Variants in CELF6 observed in about 807,000 individuals in gnomAD.
CELF6 encodes Bruno -like 6, RNA binding protein.
A neutral mutation model predicts 53.1 loss-of-function variants in CELF6; 32 were observed. The ratio of observed to expected loss-of-function variants is 0.60; its 90% CI spans 0.46 to 0.81. CELF6 has a LOEUF of 0.81. CELF6 is among the 30% of genes least tolerant of loss of function. The probability of loss-of-function intolerance (pLI) is 0.00; values close to 1 mark genes in which losing one functional copy is unlikely to be tolerated. For synonymous variants in CELF6, 291 were observed against 288.8 expected, an observed-to-expected ratio of 1.01 and a Z score of -0.08; for missense variants, 539 against 669.5, an observed-to-expected ratio of 0.81 and a Z score of 2.15.
chr15:72,306,273 G>A (rs2959930), intron 2 of CELF6: 758,651 of 984,634 alleles, frequency 0.77, 292,580 homozygotes, highest in Middle Eastern at 0.79. Context: ...TGCCAGGAGG[G>A]AAAAACAGCG....
chr15:72,314,230 A>G (rs1323908352), intron 2 of CELF6, among the ~76,000 whole-genome samples: 1 of 152,210 alleles, frequency 6.6e-6, no homozygotes, highest in Non-Finnish European at 1.5e-5. Context: ...GGTAGCTCCA[A>G]TTCAGAGAAG....
At chr15:72,298,063 A>T (rs1326519718) in intron 3 of CELF6, among the ~76,000 whole-genome samples, 1 of 152,224 alleles carries the variant, frequency 6.6e-6, no homozygotes, top group Non-Finnish European at 1.5e-5. Context: ...AACAGGTATG[A>T]CTGTCAACTG....
At position 72,319,562 on chromosome 15, in the gene CELF6, C is replaced by CCA; in HGVS notation, c.262+49_262+50dup. 1 of 1,491,892 alleles carries CCA rather than the reference C, an allele frequency of 6.7e-7. No individual in the cohort carries two copies. The highest frequency in any genetic ancestry group is 9.0e-7 in the Non-Finnish European group (1 of 1,114,586). 92.4% of individuals were successfully genotyped at this position (1,491,892 alleles called of 1,614,324 possible). A position where few individuals can be genotyped will look rare whatever the true frequency, so the allele number is the denominator to read the frequency against. ...GGGCTGGGGCTGGGCTGGGGTCGGGCCACACTCTAATCGGATTGGGGCTGG... is the reference window on the plus strand; with the variant it reads ...GGGCTGGGGCTGGGCTGGGGTCGGGCCACACACTCTAATCGGATTGGGGCTGG... On this transcript the variant is annotated intron_variant, in intron 1 of 12. Transcript: ENST00000287202. This position sits in a 1 kb window ranked among gnomAD's most constrained non-coding sequence, Gnocchi z 5.0.
chr15:72,292,649 G>A (rs1348095088), intron 3 of CELF6, among the ~76,000 whole-genome samples: 1 of 152,258 alleles, frequency 6.6e-6, no homozygotes, highest in Non-Finnish European at 1.5e-5. Context: ...GTGGTGATCT[G>A]ATCCTTCATC....
At position 72,319,709 on chromosome 15, in the gene CELF6, C is replaced by A; in HGVS notation, c.166G>T (p.Gly56Cys). The change falls in exon 1 of 13, where the codon GGC (glycine) becomes TGC (cysteine). Residue 56 changes from glycine (G) to cysteine (C), a missense_variant. By Grantham distance (159) the Gly-to-Cys change is radical. Around this residue, in one of 3 missense-constraint regions of CELF6, gnomAD observed 84 missense variants for 87.9 expected, o/e 0.96. Coordinates refer to ENST00000287202, the MANE Select transcript of CELF6 (RefSeq NM_052840.5). This position sits in a 1 kb window ranked among gnomAD's most constrained non-coding sequence, Gnocchi z 5.0. ...IKLFVGQIPR[G>C]LDEQDLKPLF... is the part of the protein sequence containing the mutation. The stretch of plus-strand genomic sequence containing the variant: ...GGCTTGAGGTCCTGCTCGTCCAAGC[C>A]CCGCGGGATCTGCCCCACGAAGAGC... 6.3e-7 allele frequency: 1 copy of A among 1,597,284 alleles called. No individual in the cohort carries two copies. The highest frequency in any genetic ancestry group is 8.5e-7 in the Non-Finnish European group (1 of 1,171,976).
In CELF6 at chr15:72,289,046, G is replaced by A. The variant is rs1310485787; in HGVS notation, c.1030+92C>T. The stretch of plus-strand genomic sequence containing the variant: ...GCTGTGAGAGACAGCAGGGAAGGAG[G>A]GGGATCTCTTCCCAGGGAAGCCAGG... On this transcript the variant is annotated intron_variant, in intron 8 of 12. Transcript: ENST00000287202. The surrounding 1 kb of genome is among the most constrained non-coding windows in gnomAD (Gnocchi z 7.6). 6 of 1,243,756 alleles carry A rather than the reference G, an allele frequency of 4.8e-6. No homozygotes were observed. The Admixed American group carries it at 7.4e-5, about 15-fold the overall frequency. 77.0% of individuals were successfully genotyped at this position (1,243,756 alleles called of 1,614,324 possible). A position where few individuals can be genotyped will look rare whatever the true frequency, so the allele number is the denominator to read the frequency against.
At chr15:72,302,050 T>TA (rs2088164017) in intron 3 of CELF6, among the ~76,000 whole-genome samples, 1 of 152,254 alleles carries the variant, frequency 6.6e-6, no homozygotes, top group Non-Finnish European at 1.5e-5. Context: ...GTTGACTTTC[T>TA]AAAGCATTAG....
intron 3 of CELF6, among the ~76,000 whole-genome samples, chr15:72,296,052 A>G (rs1468118451): frequency 6.6e-6 from 1 of 152,250 alleles, no homozygotes; most frequent in East Asian, 1.9e-4. Context: ...ATGGAATAGA[A>G]CAGAAATCCC....
intron 3 of CELF6, among the ~76,000 whole-genome samples, chr15:72,299,362 CT>C (rs780048239): frequency 0.016 from 2,234 of 138,834 alleles, 25 homozygotes; most frequent in African/African-American, 0.05. Flanking sequence ...TTTGTTTTTT[CT>C]TTTTTTTTTT....
chr15:72,297,326 C>T (rs912954100), intron 3 of CELF6, among the ~76,000 whole-genome samples: 8 of 152,192 alleles, frequency 5.3e-5, no homozygotes, highest in African/African-American at 1.9e-4. Context: ...CTTCTGCCAA[C>T]CACCATCCTA....
At chr15:72,286,868 A>G (rs2087929297) in intron 12 of CELF6, among the ~76,000 whole-genome samples, 1 of 152,204 alleles carries the variant, frequency 6.6e-6, no homozygotes, top group African/African-American at 2.4e-5. Flanking sequence ...GTCCAAACTC[A>G]TGGCCTGAAG....
intron 2 of CELF6, among the ~76,000 whole-genome samples, chr15:72,310,601 A>C: frequency 7.3e-6 from 1 of 136,502 alleles, no homozygotes; most frequent in African/African-American, 2.7e-5. Flanking sequence ...CAACCCTCCC[A>C]CCTCAGCCTC....
At chr15:72,312,471 A>G (rs1166231073) in intron 2 of CELF6, among the ~76,000 whole-genome samples, 1 of 152,144 alleles carries the variant, frequency 6.6e-6, no homozygotes, top group Non-Finnish European at 1.5e-5. Context: ...TACTAAAAAT[A>G]CAAAAAAATT....
At position 72,289,170 on chromosome 15, in the gene CELF6, G is replaced by A. The variant is rs765872926; in HGVS notation, c.998C>T (p.Thr333Met). Reference protein sequence around the residue: ...PQTNGQPGSDTLYNNGLSPYP... With the variant: ...PQTNGQPGSDMLYNNGLSPYP... Reference sequence around the variant, plus strand: ...AGGGGAGAGCCCGTTATTGTAGAGCGTGTCGGAGCCCGGCTGGCCATTGGT... The same window carrying A: ...AGGGGAGAGCCCGTTATTGTAGAGCATGTCGGAGCCCGGCTGGCCATTGGT... Residue 333 changes from threonine (T) to methionine (M), a missense_variant, in exon 8 of 13, where the codon ACG becomes ATG. Thr to Met is a moderately conservative substitution (Grantham distance 81). This residue lies in a region of CELF6 where 358 missense variants were observed against 412.8 expected (regional missense o/e 0.87). Coordinates refer to ENST00000287202, the MANE Select transcript of CELF6 (RefSeq NM_052840.5). The surrounding 1 kb of genome is among the most constrained non-coding windows in gnomAD (Gnocchi z 7.6). 9 of 1,557,626 alleles carry A rather than the reference G, an allele frequency of 5.8e-6. No homozygotes were observed. The Admixed American group carries it at 1.3e-4, about 23-fold the overall frequency.
At chr15:72,298,206 TA>T (rs2088103678) in intron 3 of CELF6, among the ~76,000 whole-genome samples, 1 of 152,150 alleles carries the variant, frequency 6.6e-6, no homozygotes, top group African/African-American at 2.4e-5. Context: ...AAACACTGAA[TA>T]AAGTGGAATC....
chr15:72,292,882 C>G (rs1202738185), intron 3 of CELF6, among the ~76,000 whole-genome samples: 1 of 152,136 alleles, frequency 6.6e-6, no homozygotes, highest in Admixed American at 6.5e-5. Flanking sequence ...ATAAAAATAG[C>G]CAGGCGTGGT....
At chr15:72,314,587 G>GTGTTTTT (rs2088337350) in intron 2 of CELF6, among the ~76,000 whole-genome samples, 1 of 130,054 alleles carries the variant, frequency 7.7e-6, no homozygotes, top group African/African-American at 3.7e-5. Flanking sequence ...TCAAAACCCA[G>GTGTTTTT]TGTTTTTTTT....
intron 2 of CELF6, among the ~76,000 whole-genome samples, chr15:72,314,290 A>G (rs1183506710): frequency 6.6e-6 from 1 of 152,036 alleles, no homozygotes; most frequent in Admixed American, 6.6e-5. Context: ...TATTATATTA[A>G]CTGATCCGAA....
intron 3 of CELF6, among the ~76,000 whole-genome samples, chr15:72,296,935 A>G (rs1375398569): frequency 6.6e-6 from 1 of 152,234 alleles, no homozygotes; most frequent in Non-Finnish European, 1.5e-5. Context: ...TGATCTAGCA[A>G]TACCTTTTCT....
Sources: allele counts gnomAD v4.1 joint callset (sites outside exome capture counted in the v4.1 genomes callset), GRCh38; gene constraint gnomAD v4.1.1; regional missense constraint gnomAD v4.1.1; non-coding constraint Gnocchi (gnomAD v3.1); transcripts MANE v1.5; gene names NCBI Gene and HGNC (gene_info 2026-07-23, HGNC 2026-07-21).